CFAP20DC: variants seen among roughly 807,000 people sequenced by gnomAD.
The protein encoded by CFAP20DC is protein CFAP20DC.
CFAP20DC carries 84 observed loss-of-function variants against 101.7 expected under a neutral mutation model. That is an observed-to-expected ratio of 0.83 (90% CI 0.69 to 0.99). The LOEUF is 0.99. Among genes scored for constraint, CFAP20DC ranks in the 50% least tolerant of loss-of-function variants. CFAP20DC has a pLI of 0.00. For synonymous variants in CFAP20DC, 359 were observed against 351.2 expected (o/e 1.02, Z -0.25); for missense variants, 1,007 against 970.3 (o/e 1.04, Z -0.50).
chr3:58,970,954 A>C (rs1317698657), intron 4 of CFAP20DC, among the ~76,000 whole-genome samples: 1 of 152,118 alleles, frequency 6.6e-6, no homozygotes, highest in African/African-American at 2.4e-5. Context: ...TTGCTTATTT[A>C]AAAAATAACC....
At position 58,929,265 on chromosome 3, in the gene CFAP20DC, T is replaced by C. The variant is rs144474876; in HGVS notation, c.393+8383A>G. 2.0e-3 allele frequency among the ~76,000 whole-genome samples: 310 copies of C among 152,314 alleles called. 1 individual carries two copies. Among genetic ancestry groups the C allele is most frequent in the African/African-American group, 7.1e-3 (296 of 41,572 alleles). On this transcript the variant is annotated intron_variant, in intron 5 of 16. Coordinates refer to ENST00000482387, the MANE Select transcript of CFAP20DC (RefSeq NM_001394063.1). ...ACTATGTGTGTGGGTTACAGCCACA[T>C]ACATAATACTCAGATTTTGATGAAA...
At chr3:58,879,921 A>G (rs1407850203) in intron 7 of CFAP20DC, among the ~76,000 whole-genome samples, 1 of 152,104 alleles carries the variant, frequency 6.6e-6, no homozygotes, top group Non-Finnish European at 1.5e-5. Flanking sequence ...TTAACTATAC[A>G]TAGACTTTCT....
At chr3:58,911,205 T>A (rs2107351327) in intron 6 of CFAP20DC, among the ~76,000 whole-genome samples, 1 of 152,258 alleles carries the variant, frequency 6.6e-6, no homozygotes, top group African/African-American at 2.4e-5. Flanking sequence ...CTAGCACCAT[T>A]ATTCATAACA....
chr3:58,998,712 T>C (rs536951152), intron 4 of CFAP20DC, among the ~76,000 whole-genome samples: 1 of 152,170 alleles, frequency 6.6e-6, no homozygotes, highest in Admixed American at 6.5e-5. Flanking sequence ...ACAGAAACTC[T>C]CATCACGATA....
At chr3:59,017,994 G>C (rs144314108) in intron 4 of CFAP20DC, 1 of 152,066 alleles carries the variant, frequency 6.6e-6, no homozygotes, top group South Asian at 2.1e-4. Context: ...CCCAGCATAG[G>C]TCAGATTCCC....
intron 14 of CFAP20DC, among the ~76,000 whole-genome samples, chr3:58,828,012 G>A (rs549752070): frequency 6.6e-6 from 1 of 152,264 alleles, no homozygotes; most frequent in South Asian, 2.1e-4. Flanking sequence ...TAAGTCTTGA[G>A]GATAATCAGG....
chr3:58,890,299 G>C (rs1375311594), intron 6 of CFAP20DC, among the ~76,000 whole-genome samples: 1 of 147,108 alleles, frequency 6.8e-6, no homozygotes, highest in Non-Finnish European at 1.5e-5. Context: ...GCGGCTGTCC[G>C]GGCGGGGGGC....
Position 58,869,245 on chromosome 3 carries a change from A to C in CFAP20DC, c.1015+83T>G, listed in dbSNP as rs1438094501. The C allele has an allele frequency of 5.3e-6, 6 of 1,137,744 alleles. No homozygotes were observed. Among genetic ancestry groups the C allele is most frequent in the Non-Finnish European group, 7.5e-6 (6 of 801,384 alleles). The allele number at this position is 1,137,744 out of a possible 1,614,324, so 70.5% of individuals were successfully genotyped here. On this transcript the variant is annotated intron_variant, in intron 9 of 16. Coordinates refer to ENST00000482387, the MANE Select transcript of CFAP20DC (RefSeq NM_001394063.1). The surrounding 1 kb of genome is among the most constrained non-coding windows in gnomAD (Gnocchi z 4.3). ...TCTCTAGACTTAAGATCTAGACTTG[A>C]ATATAACTGCTGATTTATCTTAACA...
chr3:58,861,398 G>A lies in CFAP20DC; in HGVS notation c.1593+2160C>T. 1 of 778,972 alleles carries A rather than the reference G, an allele frequency of 1.3e-6. No individual in the cohort carries two copies. The highest frequency in any genetic ancestry group is 1.6e-6 in the Non-Finnish European group (1 of 641,986). 48.3% of individuals were successfully genotyped at this position (778,972 alleles called of 1,614,324 possible). On this transcript the variant is annotated intron_variant, in intron 12 of 16. Transcript: ENST00000482387. This position sits in a 1 kb window ranked among gnomAD's most constrained non-coding sequence, Gnocchi z 4.0. Reference sequence around the variant, plus strand: ...AAATAATGCAATTAATAGTAAGGATGCCTTAATTAACTAAACTGATTTTTC... The same window carrying A: ...AAATAATGCAATTAATAGTAAGGATACCTTAATTAACTAAACTGATTTTTC...
intron 3 of CFAP20DC, among the ~76,000 whole-genome samples, chr3:58,719,226 G>T (rs1283130225): frequency 6.6e-6 from 1 of 152,200 alleles, no homozygotes; most frequent in African/African-American, 2.4e-5. Flanking sequence ...CTGGATGACA[G>T]AGTGAGACCC....
intron 13 of CFAP20DC, among the ~76,000 whole-genome samples, chr3:58,839,021 A>C (rs928504565): frequency 1.1e-4 from 16 of 152,242 alleles, no homozygotes; most frequent in African/African-American, 3.9e-4. Flanking sequence ...TACAGAAATG[A>C]AAATAGAGGA....
chr3:58,808,040 G>C (rs1362978244), intron 14 of CFAP20DC, among the ~76,000 whole-genome samples: 2 of 152,132 alleles, frequency 1.3e-5, no homozygotes, highest in East Asian at 1.9e-4. Flanking sequence ...AATGAACAAA[G>C]CCTCCAAGAA....
intron 3 of CFAP20DC, among the ~76,000 whole-genome samples, chr3:58,723,954 C>T (rs2067509900): frequency 6.6e-6 from 1 of 152,164 alleles, no homozygotes; most frequent in Admixed American, 6.5e-5. Context: ...CTTAGGCGCA[C>T]ATTTTTTGTT....
chr3:58,793,398 T>C (rs1338311272), intron 15 of CFAP20DC, among the ~76,000 whole-genome samples: 2 of 152,202 alleles, frequency 1.3e-5, no homozygotes, highest in East Asian at 3.8e-4. Flanking sequence ...ACATGGCTGG[T>C]TGTTTTTGTT....
At chr3:58,840,529 T>C (rs1042619873) in intron 13 of CFAP20DC, among the ~76,000 whole-genome samples, 6 of 152,222 alleles carry the variant, frequency 3.9e-5, no homozygotes, top group African/African-American at 1.4e-4. Flanking sequence ...CATGCCAATA[T>C]GTTACCTGGC....
chr3:58,915,301 G>A (rs974961027), intron 5 of CFAP20DC, among the ~76,000 whole-genome samples: 3 of 152,126 alleles, frequency 2.0e-5, no homozygotes, highest in African/African-American at 7.2e-5. Context: ...CAGTAGATAC[G>A]CCACAGAGTG....
intron 14 of CFAP20DC, among the ~76,000 whole-genome samples, chr3:58,825,817 A>G (rs1035534678): frequency 2.6e-5 from 4 of 152,224 alleles, no homozygotes; most frequent in South Asian, 4.1e-4. Context: ...TCAAAGGCCA[A>G]TGGATTTCTC....
At chr3:58,858,476 A>G (rs951040270) in intron 12 of CFAP20DC, among the ~76,000 whole-genome samples, 1 of 152,252 alleles carries the variant, frequency 6.6e-6, no homozygotes, top group African/African-American at 2.4e-5. Context: ...GTAATTTTAA[A>G]CAGATAATTT....
intron 6 of CFAP20DC, among the ~76,000 whole-genome samples, chr3:58,898,902 CTCTT>C (rs1290084429): frequency 1.3e-5 from 2 of 149,916 alleles, no homozygotes; most frequent in Admixed American, 6.6e-5. Flanking sequence ...TTGTTGTTTT[CTCTT>C]TGTTTTTTTT....
Sources: allele counts gnomAD v4.1 joint callset (sites outside exome capture counted in the v4.1 genomes callset), GRCh38; gene constraint gnomAD v4.1.1; non-coding constraint Gnocchi (gnomAD v3.1); transcripts MANE v1.5; gene names NCBI Gene and HGNC (gene_info 2026-07-23, HGNC 2026-07-21).